LOC128125817: variants seen among roughly 807,000 people sequenced by gnomAD.
At chr1:41,622,066 G>A in the LOC128125817 span, among the ~76,000 whole-genome samples, 1 of 152,152 alleles carries the variant, frequency 6.6e-6, no homozygotes, top group African/African-American at 2.4e-5. Context: ...AGCTCCCTGA[G>A]GCCAACCATC....
the LOC128125817 span, among the ~76,000 whole-genome samples, chr1:41,588,043 G>A: frequency 2.5e-4 from 38 of 152,286 alleles, no homozygotes; most frequent in African/African-American, 9.1e-4. Flanking sequence ...AGCAAAGGTC[G>A]GGGAACTCGT....
the LOC128125817 span, among the ~76,000 whole-genome samples, chr1:41,596,698 G>A: frequency 6.6e-6 from 1 of 152,166 alleles, no homozygotes. Flanking sequence ...TTTATAGATG[G>A]GGGCAGGGCT....
At chr1:41,607,884 A>G in the LOC128125817 span, among the ~76,000 whole-genome samples, 1 of 152,234 alleles carries the variant, frequency 6.6e-6, no homozygotes, top group South Asian at 2.1e-4. Flanking sequence ...TGATATCCAC[A>G]GCACATGACT....
chr1:41,601,251 A>G, the LOC128125817 span, among the ~76,000 whole-genome samples: 1 of 152,170 alleles, frequency 6.6e-6, no homozygotes, highest in African/African-American at 2.4e-5. Context: ...GTGGTTCCAT[A>G]TAAATCACAG....
the LOC128125817 span, among the ~76,000 whole-genome samples, chr1:41,610,704 C>T: frequency 4.6e-5 from 7 of 152,142 alleles, no homozygotes; most frequent in Non-Finnish European, 8.8e-5. Flanking sequence ...CCAGGGAGCC[C>T]GGTTTAATTC....
the LOC128125817 span, among the ~76,000 whole-genome samples, chr1:41,599,768 GACA>G: frequency 2.0e-5 from 3 of 152,084 alleles, no homozygotes; most frequent in Non-Finnish European, 4.4e-5. Context: ...TGCGTGAAAG[GACA>G]ACATCAACAG....
chr1:41,623,892 G>T, the LOC128125817 span, among the ~76,000 whole-genome samples: 3 of 67,724 alleles, frequency 4.4e-5, no homozygotes, highest in Non-Finnish European at 7.5e-5. Context: ...GAGGCTCTCT[G>T]CATGCCGATC....
the LOC128125817 span, among the ~76,000 whole-genome samples, chr1:41,608,399 C>T: frequency 6.6e-6 from 1 of 152,214 alleles, no homozygotes; most frequent in Non-Finnish European, 1.5e-5. Flanking sequence ...GTCTGGAATG[C>T]CCTTGCTCAG....
the LOC128125817 span, among the ~76,000 whole-genome samples, chr1:41,595,731 G>T: frequency 6.6e-6 from 1 of 152,182 alleles, no homozygotes; most frequent in Middle Eastern, 3.2e-3. Context: ...TCAGCTGCCA[G>T]TGTGTCCAGG....
chr1:41,597,293 A>C, the LOC128125817 span, among the ~76,000 whole-genome samples: 1 of 152,134 alleles, frequency 6.6e-6, no homozygotes, highest in African/African-American at 2.4e-5. Flanking sequence ...TAGAAAGCAA[A>C]AACACATTTC....
chr1:41,591,395 G>A, the LOC128125817 span, among the ~76,000 whole-genome samples: 5 of 152,284 alleles, frequency 3.3e-5, no homozygotes, highest in South Asian at 1.0e-3. Context: ...GCCTTGGCCT[G>A]CATGCTGGAG....
chr1:41,590,913 C>A, the LOC128125817 span, among the ~76,000 whole-genome samples: 1 of 152,196 alleles, frequency 6.6e-6, no homozygotes, highest in East Asian at 1.9e-4. Flanking sequence ...GGCTCCTCCA[C>A]CTCCTAACTG....
At chr1:41,621,492 T>G in the LOC128125817 span, among the ~76,000 whole-genome samples, 1 of 152,236 alleles carries the variant, frequency 6.6e-6, no homozygotes. Flanking sequence ...AGCTCAGCAA[T>G]GAGCCTGCTC....
At chr1:41,621,171 G>A in the LOC128125817 span, among the ~76,000 whole-genome samples, 1 of 152,182 alleles carries the variant, frequency 6.6e-6, no homozygotes, top group Non-Finnish European at 1.5e-5. Flanking sequence ...TAATACTTGT[G>A]GTGCACCCAT....
chr1:41,626,472 G>A, the LOC128125817 span, among the ~76,000 whole-genome samples: 538 of 152,276 alleles, frequency 3.5e-3, 2 homozygotes, highest in Non-Finnish European at 4.1e-3. Flanking sequence ...GAGCCCACAC[G>A]GACAAACAAA....
the LOC128125817 span, among the ~76,000 whole-genome samples, chr1:41,615,677 C>T: frequency 1.3e-5 from 2 of 152,068 alleles, no homozygotes; most frequent in Non-Finnish European, 2.9e-5. Context: ...AGGGCAAGCC[C>T]GGTGGGGGCA....
chr1:41,625,443 T>C, the LOC128125817 span, among the ~76,000 whole-genome samples: 1 of 152,252 alleles, frequency 6.6e-6, no homozygotes, highest in Non-Finnish European at 1.5e-5. Flanking sequence ...GGCAGCAGCC[T>C]GGATTAGGCC....
chr1:41,590,228 A>G, the LOC128125817 span, among the ~76,000 whole-genome samples: 3 of 152,240 alleles, frequency 2.0e-5, no homozygotes, highest in Non-Finnish European at 2.9e-5. Context: ...CTGGGCAAAG[A>G]GAGAGGCCAA....
chr1:41,628,739 C>G, the LOC128125817 span: 1 of 1,231,974 alleles, frequency 8.1e-7, no homozygotes, highest in Non-Finnish European at 1.0e-6. Context: ...CAACAGCCCC[C>G]ATTTCCTACC....
Sources: gnomAD v4.1 joint callset for allele counts (sites outside exome capture counted in the v4.1 genomes callset) on GRCh38, gnomAD v4.1.1 for gene constraint, MANE v1.5 for transcripts.